Variants in RGS7 observed in about 807,000 individuals in gnomAD.
RGS7 encodes regulator of G-protein signaling 7.
RGS7 carries 27 observed loss-of-function variants against 81.1 expected under a neutral mutation model. The ratio of observed to expected loss-of-function variants is 0.33; its 90% CI spans 0.25 to 0.46. The LOEUF is 0.46. RGS7 is among the 20% of genes least tolerant of loss of function. The pLI, the probability that RGS7 is intolerant of heterozygous loss-of-function variation, is 1.00. For missense variants in RGS7, 396 were observed against 607.4 expected (o/e 0.65, Z 3.66); for synonymous variants, 208 against 207.7 (o/e 1.00, Z -0.01).
chr1:241,268,985 C>T (rs918652079), intron 2 of RGS7, among the ~76,000 whole-genome samples: 1 of 152,184 alleles, frequency 6.6e-6, no homozygotes, highest in Non-Finnish European at 1.5e-5. Context: ...TGTACTGTTA[C>T]TTTACAAATG....
chr1:241,045,715 G>T (rs978907588), intron 3 of RGS7, among the ~76,000 whole-genome samples: 1 of 152,136 alleles, frequency 6.6e-6, no homozygotes, highest in African/African-American at 2.4e-5. Context: ...CTTGCCTTTT[G>T]CCCAAACATA....
At chr1:241,063,878 T>C (rs907978290) in intron 3 of RGS7, among the ~76,000 whole-genome samples, 1 of 152,140 alleles carries the variant, frequency 6.6e-6, no homozygotes, top group Non-Finnish European at 1.5e-5. Context: ...CTAACGACAC[T>C]GCCACATGAA....
intron 3 of RGS7, among the ~76,000 whole-genome samples, chr1:241,089,021 A>ATATCTCTCTCTC (rs1491299995): frequency 2.1e-4 from 5 of 23,660 alleles, no homozygotes; most frequent in African/African-American, 8.1e-4. Context: ...GCAAGACTCC[A>ATATCTCTCTCTC]TCTCTCTCTC....
chr1:240,801,123 A>G (rs1290448515), intron 17 of RGS7, among the ~76,000 whole-genome samples: 1 of 152,126 alleles, frequency 6.6e-6, no homozygotes, highest in Non-Finnish European at 1.5e-5. Flanking sequence ...ATAGAAATAC[A>G]TGCACTATCT....
At chr1:241,044,606 T>A (rs1030981132) in intron 3 of RGS7, among the ~76,000 whole-genome samples, 13 of 135,698 alleles carry the variant, frequency 9.6e-5, no homozygotes, top group Non-Finnish European at 9.5e-5. Flanking sequence ...ATTTATTTAT[T>A]TTTTTTGTAG....
At chr1:240,778,278 CG>C (rs1165911988) in intron 18 of RGS7, among the ~76,000 whole-genome samples, 1 of 152,140 alleles carries the variant, frequency 6.6e-6, no homozygotes, top group African/African-American at 2.4e-5. Flanking sequence ...TGAACTTGAG[CG>C]GGAAGGGATC....
chr1:241,020,929 G>C (rs2059504909), intron 3 of RGS7, among the ~76,000 whole-genome samples: 1 of 152,126 alleles, frequency 6.6e-6, no homozygotes, highest in Admixed American at 6.5e-5. Flanking sequence ...CCTTTGAATA[G>C]AGAGGAAGCA....
chr1:241,027,887 T>C (rs1274724025), intron 3 of RGS7, among the ~76,000 whole-genome samples: 2 of 152,226 alleles, frequency 1.3e-5, no homozygotes, highest in Admixed American at 6.5e-5. Context: ...AGCATCTAGA[T>C]GGCATTTGAA....
intron 3 of RGS7, among the ~76,000 whole-genome samples, chr1:240,997,258 G>A (rs1165106635): frequency 6.6e-6 from 1 of 152,048 alleles, no homozygotes; most frequent in African/African-American, 2.4e-5. Context: ...TATGATTACA[G>A]GTGTCAGCCA....
At chr1:241,095,647 A>G (rs1366820683) in intron 3 of RGS7, among the ~76,000 whole-genome samples, 1 of 152,220 alleles carries the variant, frequency 6.6e-6, no homozygotes, top group Non-Finnish European at 1.5e-5. Flanking sequence ...GACTGTATCA[A>G]AAAACAAAAC....
intron 14 of RGS7, among the ~76,000 whole-genome samples, chr1:240,810,829 T>C (rs1689724352): frequency 6.6e-6 from 1 of 152,278 alleles, no homozygotes; most frequent in Non-Finnish European, 1.5e-5. Flanking sequence ...TACAGAACTT[T>C]AGCAACTTTA....
Position 240,780,539 on chromosome 1 carries a change from ATAG to A in RGS7, c.*7-4329_*7-4327del, listed in dbSNP as rs374646619. Among the ~76,000 whole-genome samples the A allele has an allele frequency of 4.9e-3, 745 of 151,956 alleles. 12 individuals carry two copies. Among genetic ancestry groups the A allele is most frequent in the Non-Finnish European group, 4.9e-3 (335 of 67,978 alleles). Reference sequence around the variant, plus strand: ...TTGAGGCACAGGAATGAATTCTTATATAGTAGAAGACTGGGGAAAGATGCTGAT... The same window carrying A: ...TTGAGGCACAGGAATGAATTCTTATATAGAAGACTGGGGAAAGATGCTGAT... On this transcript the variant is annotated intron_variant, in intron 18 of 18. Coordinates refer to ENST00000440928, the MANE Select transcript of RGS7 (RefSeq NM_001364886.1).
intron 3 of RGS7, among the ~76,000 whole-genome samples, chr1:241,070,370 TAAAC>T (rs1464435007): frequency 1.3e-5 from 2 of 150,760 alleles, no homozygotes; most frequent in African/African-American, 2.4e-5. Flanking sequence ...TCGATTATGC[TAAAC>T]AAAATCAATT....
chr1:240,998,838 C>G (rs1233186733), intron 3 of RGS7: 2 of 555,012 alleles, frequency 3.6e-6, no homozygotes, highest in Non-Finnish European at 6.8e-6. Flanking sequence ...CGCGGATGGA[C>G]CGAGCACCTT....
At chr1:241,180,329 G>C (rs1426544543) in intron 2 of RGS7, among the ~76,000 whole-genome samples, 1 of 151,994 alleles carries the variant, frequency 6.6e-6, no homozygotes, top group African/African-American at 2.4e-5. Context: ...GAGCTGAGAT[G>C]GCGCCACTGC....
Position 241,144,256 on chromosome 1 carries a change from G to A in RGS7, c.79-45494C>T, listed in dbSNP as rs2068131068. ...TCATCCAAATTGACATACATGTGCT[G>A]GCGCATATGTTGTTTATTTCTCTGC... On this transcript the variant is annotated intron_variant, in intron 2 of 18. Transcript: ENST00000440928. The surrounding 1 kb of genome is among the most constrained non-coding windows in gnomAD (Gnocchi z 4.7). Among the ~76,000 whole-genome samples the A allele has an allele frequency of 6.6e-6, 1 of 152,072 alleles. No homozygotes were observed. The highest frequency in any genetic ancestry group is 6.5e-5 in the Admixed American group (1 of 15,270).
chr1:241,026,570 CAG>C (rs1355618027), intron 3 of RGS7, among the ~76,000 whole-genome samples: 2 of 151,474 alleles, frequency 1.3e-5, no homozygotes, highest in African/African-American at 4.8e-5. Flanking sequence ...GTCTGTGTGA[CAG>C]AGTGAGACTC....
chr1:241,244,251 A>C (rs996613717), intron 2 of RGS7, among the ~76,000 whole-genome samples: 15 of 152,200 alleles, frequency 9.9e-5, no homozygotes, highest in Non-Finnish European at 1.9e-4. Context: ...GAACTCAAAC[A>C]AATTTACAAG....
At chr1:240,996,521 G>C (rs1286770461) in intron 3 of RGS7, among the ~76,000 whole-genome samples, 2 of 152,092 alleles carry the variant, frequency 1.3e-5, no homozygotes, top group Non-Finnish European at 1.5e-5. Flanking sequence ...CGTCTTCTTG[G>C]AAAAATGAGC....
Sources: allele counts gnomAD v4.1 joint callset (sites outside exome capture counted in the v4.1 genomes callset), GRCh38; gene constraint gnomAD v4.1.1; non-coding constraint Gnocchi (gnomAD v3.1); transcripts MANE v1.5; gene names NCBI Gene and HGNC (gene_info 2026-07-23, HGNC 2026-07-21).